BAALC: variants seen among roughly 807,000 people sequenced by gnomAD.
BAALC encodes brain and acute leukemia cytoplasmic protein.
In BAALC, 9 loss-of-function variants were observed where a neutral mutation model predicts 15.5. The ratio of observed to expected loss-of-function variants is 0.58; its 90% CI spans 0.35 to 1.02. BAALC has a LOEUF of 1.02. BAALC is among the 50% of genes least tolerant of loss of function. BAALC has a pLI of 0.02. For missense variants in BAALC, 201 were observed against 192.4 expected, an observed-to-expected ratio of 1.04 and a Z score of -0.27; for synonymous variants, 80 against 74.6, an observed-to-expected ratio of 1.07 and a Z score of -0.37.
chr8:103,147,729 C>A (rs1228419761), intron 1 of BAALC, among the ~76,000 whole-genome samples: 2 of 152,192 alleles, frequency 1.3e-5, no homozygotes, highest in African/African-American at 2.4e-5. Flanking sequence ...CAGGAGCCCT[C>A]CCATGTCAGG....
At chr8:103,179,125 A>G (rs1030014820) in intron 1 of BAALC, among the ~76,000 whole-genome samples, 1 of 152,212 alleles carries the variant, frequency 6.6e-6, no homozygotes, top group Admixed American at 6.5e-5. Flanking sequence ...TCAGAATTGT[A>G]AACTGTTTGG....
chr8:103,165,379 C>T (rs1423182428), intron 1 of BAALC: 6 of 152,160 alleles, frequency 3.9e-5, no homozygotes, highest in Admixed American at 3.9e-4. Flanking sequence ...ATCAAGACAA[C>T]CCAAAATGCC....
intron 1 of BAALC, among the ~76,000 whole-genome samples, chr8:103,141,789 C>T (rs1184131776): frequency 1.3e-5 from 2 of 152,270 alleles, no homozygotes; most frequent in Non-Finnish European, 2.9e-5. Flanking sequence ...AAATTAAATA[C>T]TCTTGCCTAG....
At chr8:103,149,338 T>A (rs1810937144) in intron 1 of BAALC, among the ~76,000 whole-genome samples, 1 of 152,178 alleles carries the variant, frequency 6.6e-6, no homozygotes, top group African/African-American at 2.4e-5. Context: ...ATAGAAAGGG[T>A]TGCAGGAGGT....
At position 103,156,601 on chromosome 8, in the gene BAALC, GCTT is replaced by G. The variant is rs546190153; in HGVS notation, c.160+15550_160+15552del. Among the ~76,000 whole-genome samples, 30 of 152,306 alleles carry G rather than the reference GCTT, an allele frequency of 2.0e-4. 1 individual carries two copies. In the South Asian group the frequency reaches 6.2e-3, roughly 32 times the overall value. On this transcript the variant is annotated intron_variant, in intron 1 of 2. Coordinates refer to ENST00000309982, the MANE Select transcript of BAALC (RefSeq NM_024812.3). Reference sequence around the variant, plus strand: ...CTCAGCTGAATCAGATTCAGACAGGGCTTCTTCTGAGACGGTGGAATGTTCTTC... The same window carrying G: ...CTCAGCTGAATCAGATTCAGACAGGGCTTCTGAGACGGTGGAATGTTCTTC...
At position 103,229,511 on chromosome 8, in the gene BAALC, T is replaced by G. The variant is rs1462465865; in HGVS notation, c.*1412T>G. ...TCCTTCCTTCCATTGGCAGATTGTA[T>G]ATTTATTCACAAAACATTAAATGTC... On this transcript the variant is annotated 3_prime_UTR_variant, in exon 3 of 3. Transcript: ENST00000309982. The G allele has an allele frequency of 6.6e-6, 1 of 152,216 alleles. No individual in the cohort carries two copies. Among genetic ancestry groups the G allele is most frequent in the East Asian group, 1.9e-4 (1 of 5,200 alleles). 9.4% of individuals were successfully genotyped at this position (152,216 alleles called of 1,614,324 possible).
intron 1 of BAALC, chr8:103,183,276 A>T (rs1811765951): frequency 2.9e-6 from 2 of 692,514 alleles, no homozygotes; most frequent in Admixed American, 2.0e-5. Flanking sequence ...CCCAAAGATG[A>T]TGGGAAGTGG....
chr8:103,180,016 C>T (rs945990888), intron 1 of BAALC, among the ~76,000 whole-genome samples: 12 of 152,172 alleles, frequency 7.9e-5, no homozygotes, highest in African/African-American at 2.4e-4. Context: ...TGAATCTGCC[C>T]ACAGTGCAGG....
At chr8:103,197,805 A>T (rs1417886596) in intron 1 of BAALC, among the ~76,000 whole-genome samples, 1 of 152,128 alleles carries the variant, frequency 6.6e-6, no homozygotes, top group Non-Finnish European at 1.5e-5. Context: ...GCATGAACTC[A>T]TTCATCATCA....
At chr8:103,202,619 G>C (rs1416869709) in intron 1 of BAALC, among the ~76,000 whole-genome samples, 4 of 152,228 alleles carry the variant, frequency 2.6e-5, no homozygotes, top group Non-Finnish European at 5.9e-5. Flanking sequence ...GAGCATAAGA[G>C]AAGTGTTTTG....
intron 1 of BAALC, among the ~76,000 whole-genome samples, chr8:103,176,176 A>G (rs1318388073): frequency 1.3e-5 from 2 of 152,316 alleles, no homozygotes; most frequent in African/African-American, 4.8e-5. Flanking sequence ...GGGGGGCATG[A>G]AAAAGACCTG....
At chr8:103,212,534 A>T (rs1812470366) in intron 1 of BAALC, among the ~76,000 whole-genome samples, 1 of 152,240 alleles carries the variant, frequency 6.6e-6, no homozygotes, top group Non-Finnish European at 1.5e-5. Flanking sequence ...CAAGGAAGTA[A>T]TTTAAAATAA....
chr8:103,202,223 C>A (rs140468927), intron 1 of BAALC, among the ~76,000 whole-genome samples: 3 of 152,224 alleles, frequency 2.0e-5, no homozygotes, highest in East Asian at 1.9e-4. Context: ...CTTTCCCCAG[C>A]GCCTCAGAAT....
At chr8:103,226,245 A>G (rs1288717082) in intron 2 of BAALC, among the ~76,000 whole-genome samples, 12 of 152,246 alleles carry the variant, frequency 7.9e-5, no homozygotes, top group African/African-American at 1.7e-4. Context: ...TCCAGCCACA[A>G]TGCAAGCTGA....
chr8:103,212,832 ACTAT>A, intron 1 of BAALC, 83 bp from the exon 2 acceptor site: 7 of 1,416,314 alleles, frequency 4.9e-6, no homozygotes, highest in Non-Finnish European at 5.7e-6. Flanking sequence ...TTTCATTTTG[ACTAT>A]CTGTTTCTCC....
chr8:103,152,636 G>A (rs142367687), intron 1 of BAALC, among the ~76,000 whole-genome samples: 1 of 152,348 alleles, frequency 6.6e-6, no homozygotes, highest in East Asian at 1.9e-4. Context: ...CTCGGTGGAT[G>A]TTTGTTGAAT....
chr8:103,159,134 C>T (rs1811165574), intron 1 of BAALC, among the ~76,000 whole-genome samples: 1 of 152,072 alleles, frequency 6.6e-6, no homozygotes, highest in African/African-American at 2.4e-5. Flanking sequence ...TTCTGGTTTG[C>T]TTTTTCAGTA....
At chr8:103,220,614 A>T (rs1052954916) in intron 2 of BAALC, among the ~76,000 whole-genome samples, 7 of 152,242 alleles carry the variant, frequency 4.6e-5, no homozygotes, top group Non-Finnish European at 7.3e-5. Context: ...AAAAGAAGTT[A>T]AAAAATAAAT....
At chr8:103,150,946 G>A (rs1244468143) in intron 1 of BAALC, among the ~76,000 whole-genome samples, 1 of 151,914 alleles carries the variant, frequency 6.6e-6, no homozygotes, top group African/African-American at 2.4e-5. Context: ...GCCTCAACCT[G>A]CTCTCTTCAT....
Sources: gnomAD v4.1 joint callset for allele counts (sites outside exome capture counted in the v4.1 genomes callset) on GRCh38, gnomAD v4.1.1 for gene constraint, MANE v1.5 for transcripts, NCBI Gene and HGNC (gene_info 2026-07-23, HGNC 2026-07-21) for gene names.